Variants in SLC35H1 observed in about 807,000 individuals in gnomAD.
SLC35H1 encodes the protein ovarian cancer-overexpressed gene 1 protein.
the SLC35H1 span, chr20:46,356,569 C>G: frequency 6.2e-7 from 1 of 1,613,842 alleles, no homozygotes; most frequent in African/African-American, 1.3e-5. Context: ...ATGGCCAGTA[C>G]TCACAGCGAG....
At chr20:46,350,930 A>G in the SLC35H1 span, 131 of 1,610,676 alleles carry the variant, frequency 8.1e-5, no homozygotes, top group African/African-American at 1.7e-3. Flanking sequence ...ATCAACAGGC[A>G]GATTTGGCTG....
the SLC35H1 span, chr20:46,358,448 A>T: frequency 6.2e-7 from 1 of 1,614,086 alleles, no homozygotes; most frequent in Admixed American, 1.7e-5. Context: ...GAGAAGCACC[A>T]GCCCCAGGGT....
chr20:46,350,182 TG>T, the SLC35H1 span: 1 of 451,556 alleles, frequency 2.2e-6, no homozygotes, highest in Non-Finnish European at 3.9e-6. Context: ...GGCCCAGCTC[TG>T]GCCAGTCCCA....
chr20:46,352,200 T>C, the SLC35H1 span: 75 of 1,614,000 alleles, frequency 4.6e-5, no homozygotes, highest in Non-Finnish European at 5.8e-5. Context: ...AAACGGAAGA[T>C]TTTCTCAGAT....
the SLC35H1 span, among the ~76,000 whole-genome samples, chr20:46,360,020 C>T: frequency 1.3e-5 from 2 of 152,058 alleles, no homozygotes; most frequent in Non-Finnish European, 2.9e-5. Context: ...AAACCTGTGG[C>T]GGTATTTTGG....
At chr20:46,346,012 T>C in the SLC35H1 span, 6 of 152,114 alleles carry the variant, frequency 3.9e-5, no homozygotes, top group Non-Finnish European at 5.9e-5. Flanking sequence ...TTTTAATGAC[T>C]TCGATATCTC....
chr20:46,358,857 T>C, the SLC35H1 span: 1 of 816,736 alleles, frequency 1.2e-6, no homozygotes. Flanking sequence ...CTCAGGGCTC[T>C]GGAGGGGCTG....
the SLC35H1 span, chr20:46,346,596 C>T: frequency 6.6e-6 from 1 of 152,152 alleles, no homozygotes; most frequent in Non-Finnish European, 1.5e-5. Flanking sequence ...GCCTGGCCAA[C>T]ATGTACTGAA....
At chr20:46,361,718 A>G in the SLC35H1 span, among the ~76,000 whole-genome samples, 2 of 152,318 alleles carry the variant, frequency 1.3e-5, no homozygotes, top group African/African-American at 4.8e-5. Context: ...GTCTCTAGAC[A>G]CTGCCATATG....
At chr20:46,356,609 C>G in the SLC35H1 span, 1 of 1,614,122 alleles carries the variant, frequency 6.2e-7, no homozygotes, top group East Asian at 2.2e-5. Context: ...TCCAGTTGGA[C>G]AAGCCCACGT....
chr20:46,354,627 T>A, the SLC35H1 span, among the ~76,000 whole-genome samples: 1 of 152,176 alleles, frequency 6.6e-6, no homozygotes, highest in Non-Finnish European at 1.5e-5. Flanking sequence ...TGAAATGAGT[T>A]CCTATGTTTA....
the SLC35H1 span, chr20:46,355,772 G>A: frequency 4.3e-6 from 7 of 1,613,698 alleles, no homozygotes; most frequent in Non-Finnish European, 5.9e-6. This position sits in a 1 kb window ranked among gnomAD's most constrained non-coding sequence, Gnocchi z 4.8. Context: ...TGTGGGGGCA[G>A]GAAGGACACA....
the SLC35H1 span, among the ~76,000 whole-genome samples, chr20:46,356,891 C>T: frequency 1.4e-4 from 21 of 152,338 alleles, no homozygotes; most frequent in Non-Finnish European, 1.9e-4. Context: ...AACACTCCGG[C>T]GAGCCCCCTG....
At chr20:46,350,717 A>G in the SLC35H1 span, 1 of 1,602,190 alleles carries the variant, frequency 6.2e-7, no homozygotes, top group Non-Finnish European at 8.5e-7. Flanking sequence ...AGTCACAGGG[A>G]GAAGAACAGA....
the SLC35H1 span, chr20:46,352,060 G>T: frequency 6.2e-7 from 1 of 1,614,146 alleles, no homozygotes; most frequent in Non-Finnish European, 8.5e-7. Context: ...CCTTAAAAAT[G>T]CCGGCAATGG....
chr20:46,354,964 G>A, the SLC35H1 span: 74 of 1,613,846 alleles, frequency 4.6e-5, no homozygotes, highest in African/African-American at 1.1e-4. Flanking sequence ...GATTCTGGAG[G>A]CCTGCAGGGC....
At chr20:46,356,663 A>T in the SLC35H1 span, 3 of 1,608,852 alleles carry the variant, frequency 1.9e-6, no homozygotes, top group Admixed American at 5.0e-5. Flanking sequence ...CACCCACAGG[A>T]CAGCTTGGGA....
the SLC35H1 span, among the ~76,000 whole-genome samples, chr20:46,362,686 C>G: frequency 6.6e-6 from 1 of 152,220 alleles, no homozygotes; most frequent in Admixed American, 6.5e-5. Flanking sequence ...TCCTTCACCC[C>G]CTGCTCTCAC....
At chr20:46,354,653 C>A in the SLC35H1 span, among the ~76,000 whole-genome samples, 2 of 152,164 alleles carry the variant, frequency 1.3e-5, no homozygotes, top group Non-Finnish European at 2.9e-5. Context: ...ATCAGAACAG[C>A]CCTGGTGCAC....
Sources: gnomAD v4.1 joint callset for allele counts (sites outside exome capture counted in the v4.1 genomes callset) on GRCh38, gnomAD v4.1.1 for gene constraint, Gnocchi (gnomAD v3.1) non-coding constraint, MANE v1.5 for transcripts, NCBI Gene and HGNC (gene_info 2026-07-23, HGNC 2026-07-21) for gene names.